GLB1L2: variants seen among roughly 807,000 people sequenced by gnomAD.
GLB1L2 encodes the protein galactosidase beta 1 like 2.
Under a neutral mutation model 84.1 loss-of-function variants are expected in GLB1L2, and 68 were observed. That is an observed-to-expected ratio of 0.81 (90% confidence interval 0.67 to 0.99). The LOEUF is 0.99. Among genes scored for constraint, GLB1L2 ranks in the 50% least tolerant of loss-of-function variants. The pLI is 0.00. For synonymous variants in GLB1L2, 290 were observed against 318.0 expected (o/e 0.91, Z 0.94); for missense variants, 762 against 805.6 (o/e 0.95, Z 0.66).
chr11:134,347,209 G>A (rs1216160044), intron 4 of GLB1L2, 116 bp from the exon 5 acceptor site: 2 of 791,964 alleles, frequency 2.5e-6, no homozygotes, highest in Middle Eastern at 2.7e-4. Context: ...GGTGGAGGAG[G>A]GCACAGGTCA....
intron 5 of GLB1L2, among the ~76,000 whole-genome samples, chr11:134,354,672 A>C (rs922556669): frequency 1.3e-5 from 2 of 152,044 alleles, no homozygotes; most frequent in Admixed American, 6.6e-5. Context: ...TCCTTTCAGC[A>C]CTTTGACTAT....
At chr11:134,333,597 C>G (rs764003954) in intron 1 of GLB1L2, among the ~76,000 whole-genome samples, 8 of 152,252 alleles carry the variant, frequency 5.3e-5, no homozygotes, top group Non-Finnish European at 1.0e-4. Flanking sequence ...GAGTGGTACA[C>G]CCAAAAAGTC....
rs558004030 is a variant in GLB1L2 at position 134,356,296 on chromosome 11, C to T, written c.559-5C>T. 19 of 1,612,706 alleles carry T rather than the reference C, an allele frequency of 1.2e-5. No individual in the cohort carries two copies. Among genetic ancestry groups the T allele is most frequent in the Middle Eastern group, 1.7e-4 (1 of 6,054 alleles). On this transcript the variant is annotated splice_region_variant and splice_polypyrimidine_tract_variant and intron_variant, in intron 5 of 18. Coordinates refer to ENST00000535456, the MANE Select transcript of GLB1L2 (RefSeq NM_001370461.1). ...AGCTCCTGGTTTTCTGTCTTTTCTC[C>T]GCAGTACAAGCGTGGGGGACCTATC...
rs145180196 is a variant in GLB1L2, at chr11:134,357,752, C to T, written c.652-1308C>T. Among the ~76,000 whole-genome samples the T allele has an allele frequency of 1.6e-3, 240 of 152,352 alleles. 1 individual carries two copies. The highest frequency in any genetic ancestry group is 5.3e-3 in the African/African-American group (219 of 41,586). ...GTCCAGCCTCTGTGGTCCGGAAGCTCTTGGGAGAATTCACCAGCCTCTCTC... is the reference window on the plus strand; with the variant it reads ...GTCCAGCCTCTGTGGTCCGGAAGCTTTTGGGAGAATTCACCAGCCTCTCTC... On this transcript the variant is annotated intron_variant, in intron 6 of 18. Transcript: ENST00000535456.
chr11:134,343,733 G>A (rs1943504247), intron 2 of GLB1L2, among the ~76,000 whole-genome samples: 1 of 152,228 alleles, frequency 6.6e-6, no homozygotes, highest in Non-Finnish European at 1.5e-5. Flanking sequence ...TCAGCACTCT[G>A]ACTCGCAGAA....
At chr11:134,368,844 A>G (rs929022136) in intron 10 of GLB1L2, 63 bp downstream of exon 10, 1 of 1,574,752 alleles carries the variant, frequency 6.4e-7, no homozygotes, top group Non-Finnish European at 8.7e-7. Flanking sequence ...GGGACTTGCT[A>G]TGGAGAGGCC....
rs933486301 is a variant in GLB1L2, at chr11:134,339,883, C to T, written c.87-2871C>T. On this transcript the variant is annotated intron_variant, in intron 1 of 18. Coordinates refer to ENST00000535456, the MANE Select transcript of GLB1L2 (RefSeq NM_001370461.1). The surrounding 1 kb of genome is among the most constrained non-coding windows in gnomAD (Gnocchi z 5.7). Reference sequence around the variant, plus strand: ...AGTTGTTGAATTGGGATGCCTCTTTCCAGGTGTCTGCACTTTGAGTCAGGC... The same window carrying T: ...AGTTGTTGAATTGGGATGCCTCTTTTCAGGTGTCTGCACTTTGAGTCAGGC... 6.6e-6 allele frequency among the ~76,000 whole-genome samples: 1 copy of T among 152,178 alleles called. No individual in the cohort carries two copies. Among genetic ancestry groups the T allele is most frequent in the Non-Finnish European group, 1.5e-5 (1 of 68,036 alleles).
chr11:134,347,395 T>C lies in GLB1L2; in HGVS notation c.520T>C (p.Tyr174His). 1 of 1,614,118 alleles carries C rather than the reference T, an allele frequency of 6.2e-7. No homozygotes were observed. The highest frequency in any genetic ancestry group is 8.5e-7 in the Non-Finnish European group (1 of 1,179,962). The change falls in exon 5 of 19, where the codon TAT becomes CAT. Residue 174 changes from tyrosine (Y) to histidine (H), a missense_variant. Transcript: ENST00000535456. ...GGGCTTCACCGAAGCAGTGGACCTT[T>C]ATTTTGACCACCTGATGTCCAGGGT... ...YKGFTEAVDL[Y>H]FDHLMSRVVP... is the part of the protein sequence containing the mutation.
Position 134,370,462 on chromosome 11 carries a change from G to A in GLB1L2, c.1215+63G>A, listed in dbSNP as rs1943936054. On this transcript the variant is annotated intron_variant, in intron 12 of 18. Transcript: ENST00000535456. The surrounding 1 kb of genome is among the most constrained non-coding windows in gnomAD (Gnocchi z 4.7). The stretch of plus-strand genomic sequence containing the variant: ...GCCGGGGGCAGTCGTTGGCAGGGAG[G>A]TGAGTGCTGGGGGCAGTCGTCGGCG... 1 of 1,333,826 alleles carries A rather than the reference G, an allele frequency of 7.5e-7. No homozygotes were observed. The highest frequency in any genetic ancestry group is 1.1e-6 in the Non-Finnish European group (1 of 932,820). The allele number at this position is 1,333,826 out of a possible 1,614,324, so 82.6% of individuals were successfully genotyped here. A position where few individuals can be genotyped will look rare whatever the true frequency, so the allele number is the denominator to read the frequency against.
rs372447118 is a variant in GLB1L2 at position 134,367,435 on chromosome 11, G to C, written c.889+94G>C. The C allele has an allele frequency of 1.4e-3, 1,423 of 1,009,852 alleles. 22 individuals are homozygous for C. The South Asian group carries it at 0.021, about 15-fold the overall frequency. 62.6% of individuals were successfully genotyped at this position (1,009,852 alleles called of 1,614,324 possible). ...TGCTAACTAATGTAAGCCATAGGGG[G>C]TGCAAGGCTGCTGGGATTATCTGTG... is the stretch of plus-strand genomic sequence containing the variant. On this transcript the variant is annotated intron_variant, in intron 9 of 18. Transcript: ENST00000535456.
At chr11:134,373,067 T>C (rs1943978020) in intron 15 of GLB1L2, among the ~76,000 whole-genome samples, 2 of 152,326 alleles carry the variant, frequency 1.3e-5, no homozygotes, top group African/African-American at 4.8e-5. Context: ...GAAATGCGCG[T>C]GCCCACATAG....
chr11:134,348,602 T>C (rs901321903), intron 5 of GLB1L2, among the ~76,000 whole-genome samples: 13 of 152,222 alleles, frequency 8.5e-5, no homozygotes, highest in African/African-American at 2.9e-4. Context: ...TATGGGATAG[T>C]ATACATAACA....
rs1209413088 is a variant in GLB1L2, at chr11:134,370,246, A to AGTGACATTT, written c.1109-45_1109-37dup. ...AGCCGGGTGGGGAGGACGAGCAGGC[A>AGTGACATTT]GTGACATTTGGGTCCGTTGGGGGTG... is the stretch of plus-strand genomic sequence containing the variant. On this transcript the variant is annotated intron_variant, in intron 11 of 18. Coordinates refer to ENST00000535456, the MANE Select transcript of GLB1L2 (RefSeq NM_001370461.1). This position sits in a 1 kb window ranked among gnomAD's most constrained non-coding sequence, Gnocchi z 4.7. 6.7e-7 allele frequency: 1 copy of AGTGACATTT among 1,498,904 alleles called. No homozygotes were observed. Among genetic ancestry groups the AGTGACATTT allele is most frequent in the African/African-American group, 1.4e-5 (1 of 72,352 alleles). 92.9% of individuals were successfully genotyped at this position (1,498,904 alleles called of 1,614,324 possible).
intron 5 of GLB1L2, among the ~76,000 whole-genome samples, chr11:134,350,777 T>C (rs1288434863): frequency 6.6e-6 from 1 of 152,254 alleles, no homozygotes; most frequent in African/African-American, 2.4e-5. Context: ...TTTCACCTCC[T>C]TGATTAAATG....
intron 4 of GLB1L2, among the ~76,000 whole-genome samples, chr11:134,346,058 G>T (rs1360154127): frequency 6.6e-6 from 1 of 152,164 alleles, no homozygotes; most frequent in Admixed American, 6.5e-5. Flanking sequence ...GTACCAGGTG[G>T]TTAGACCCAG....
At chr11:134,353,650 A>G (rs1943665462) in intron 5 of GLB1L2, among the ~76,000 whole-genome samples, 2 of 152,166 alleles carry the variant, frequency 1.3e-5, no homozygotes, top group South Asian at 4.2e-4. Context: ...GTCTCCTACT[A>G]TTATTGTCTA....
At chr11:134,342,671 GC>G in intron 1 of GLB1L2, 82 bp from the exon 2 acceptor site, 1 of 1,361,768 alleles carries the variant, frequency 7.3e-7, no homozygotes, top group Non-Finnish European at 1.0e-6. Flanking sequence ...AGAGAGAAAT[GC>G]CGAGGACCTG....
rs563792719 is a variant in GLB1L2, at chr11:134,370,095, G to T, written c.1109-198G>T. Among the ~76,000 whole-genome samples the T allele has an allele frequency of 2.5e-3, 381 of 152,278 alleles. 2 individuals are homozygous for T. The highest frequency in any genetic ancestry group is 3.6e-3 in the Non-Finnish European group (245 of 68,024). ...GTTAACGCTCCTTATCTCCTGTGGAGGACGGGAGAACGCCCTGGCTTTCCC... is the reference window on the plus strand; with the variant it reads ...GTTAACGCTCCTTATCTCCTGTGGATGACGGGAGAACGCCCTGGCTTTCCC... On this transcript the variant is annotated intron_variant, in intron 11 of 18. Coordinates refer to ENST00000535456, the MANE Select transcript of GLB1L2 (RefSeq NM_001370461.1). This position sits in a 1 kb window ranked among gnomAD's most constrained non-coding sequence, Gnocchi z 4.7.
intron 4 of GLB1L2, chr11:134,347,071 C>T (rs1591613799): frequency 4.3e-6 from 2 of 469,738 alleles, no homozygotes; most frequent in South Asian, 3.2e-5. Context: ...GCAGCCAGGC[C>T]CTGTAGCTGT....
Sources: gnomAD v4.1 joint callset for allele counts (sites outside exome capture counted in the v4.1 genomes callset) on GRCh38, gnomAD v4.1.1 for gene constraint, Gnocchi (gnomAD v3.1) non-coding constraint, MANE v1.5 for transcripts, NCBI Gene and HGNC (gene_info 2026-07-23, HGNC 2026-07-21) for gene names.